SNX13: variants seen among roughly 807,000 people sequenced by gnomAD.
The protein encoded by SNX13 is sorting nexin-13.
A neutral mutation model predicts 133.6 loss-of-function variants in SNX13; 45 were observed. The observed-to-expected ratio is 0.34, with a 90% CI of 0.27 to 0.43. SNX13 has a LOEUF of 0.43. Among genes scored for constraint, SNX13 ranks in the 20% least tolerant of loss-of-function variants. The pLI is 1.00. For synonymous variants in SNX13, 414 were observed against 373.9 expected, an observed-to-expected ratio of 1.11 and a Z score of -1.24; for missense variants, 1,032 against 1,145.1, an observed-to-expected ratio of 0.90 and a Z score of 1.43.
At chr7:17,876,475 GA>G (rs1794730819) in intron 5 of SNX13, among the ~76,000 whole-genome samples, 1 of 150,344 alleles carries the variant, frequency 6.7e-6, no homozygotes, top group African/African-American at 2.5e-5. Context: ...AGCTGCTAGG[GA>G]AGCTGAAGTG....
Position 17,940,352 on chromosome 7 carries a change from A to C in SNX13, c.-57T>G. The C allele has an allele frequency of 6.4e-7, 1 of 1,553,500 alleles. No individual in the cohort carries two copies. The highest frequency in any genetic ancestry group is 8.7e-7 in the Non-Finnish European group (1 of 1,148,000). The stretch of plus-strand genomic sequence containing the variant: ...AGCCTCGCCTCATGGCAACAGCCGT[A>C]GCAGCAGCGAAAACTGCTCGGGCCG... On this transcript the variant is annotated 5_prime_UTR_variant, in exon 1 of 26. Coordinates refer to ENST00000428135, the MANE Select transcript of SNX13 (RefSeq NM_015132.5).
chr7:17,903,381 A>G (rs1049129620), intron 1 of SNX13, among the ~76,000 whole-genome samples: 3 of 152,190 alleles, frequency 2.0e-5, no homozygotes, highest in South Asian at 2.1e-4. Flanking sequence ...CAATTTTAAA[A>G]TCTAAAATGC....
chr7:17,803,391 T>G, intron 21 of SNX13, 28 bp downstream of exon 21: 1 of 1,577,666 alleles, frequency 6.3e-7, no homozygotes, highest in South Asian at 1.2e-5. Context: ...ATAGTTTGCT[T>G]TAGACATTAC....
chr7:17,912,047 A>C (rs1028271145), intron 1 of SNX13, among the ~76,000 whole-genome samples: 2 of 152,124 alleles, frequency 1.3e-5, no homozygotes, highest in African/African-American at 4.8e-5. Context: ...AGTGTGCCTC[A>C]GCCACTTGGA....
intron 17 of SNX13, among the ~76,000 whole-genome samples, chr7:17,822,354 T>G (rs1787392865): frequency 6.6e-6 from 1 of 152,146 alleles, no homozygotes; most frequent in African/African-American, 2.4e-5. Flanking sequence ...TGATGTTACA[T>G]TTCTTTATCT....
Position 17,875,557 on chromosome 7 carries a change from G to A in SNX13, c.587C>T (p.Thr196Ile), listed in dbSNP as rs1218155984. The A allele has an allele frequency of 6.2e-7, 1 of 1,610,562 alleles. No homozygotes were observed. The highest frequency in any genetic ancestry group is 1.7e-5 in the Admixed American group (1 of 59,506). ...VKGTAEDLVD[T>I]FFEVEVEMEK... The stretch of plus-strand genomic sequence containing the variant: ...CATTTCAACTTCAACTTCAAAGAAG[G>A]TATCTACAAGATCTTCTGCTGTACC... The change falls in exon 7 of 26, where the codon ACC (threonine) becomes ATC (isoleucine). Residue 196 changes from threonine to isoleucine, a missense_variant. Coordinates refer to ENST00000428135, the MANE Select transcript of SNX13 (RefSeq NM_015132.5).
In SNX13 at chr7:17,873,627, A is replaced by G; in HGVS notation, c.665-11T>C. 6.7e-7 allele frequency: 1 copy of G among 1,491,228 alleles called. No individual in the cohort carries two copies. The highest frequency in any genetic ancestry group is 9.1e-7 in the Non-Finnish European group (1 of 1,099,474). The allele number at this position is 1,491,228 out of a possible 1,614,324, so 92.4% of individuals were successfully genotyped here. ...AATCCCTTAGGAATCCTAAAAGTAG[A>G]AAAAGTAGCTATCATAACATTAGAA... On this transcript the variant is annotated splice_polypyrimidine_tract_variant and intron_variant, in intron 7 of 25. Coordinates refer to ENST00000428135, the MANE Select transcript of SNX13 (RefSeq NM_015132.5).
chr7:17,911,575 T>C (rs933127629), intron 1 of SNX13, among the ~76,000 whole-genome samples: 1 of 150,972 alleles, frequency 6.6e-6, no homozygotes, highest in Non-Finnish European at 1.5e-5. Context: ...GAAGCAGAGA[T>C]TGCAGTGAGC....
intron 13 of SNX13, among the ~76,000 whole-genome samples, chr7:17,836,262 A>T (rs1344712792): frequency 6.6e-6 from 1 of 152,024 alleles, no homozygotes; most frequent in Non-Finnish European, 1.5e-5. Context: ...CATGCTTGTA[A>T]TCCCAGCACT....
chr7:17,816,292 G>GT lies in SNX13; in HGVS notation c.1846-4dup, dbSNP rs776227320. ...AATATGCTTGAGAGACTTTCAAACTGTAAGACAAAATACATTCAATAGCAC... is the reference window on the plus strand; with the variant it reads ...AATATGCTTGAGAGACTTTCAAACTGTTAAGACAAAATACATTCAATAGCAC... On this transcript the variant is annotated splice_polypyrimidine_tract_variant and splice_region_variant and intron_variant, in intron 18 of 25. Transcript: ENST00000428135. 2.5e-5 allele frequency: 38 copies of GT among 1,536,370 alleles called. No individual in the cohort carries two copies. In the Admixed American group the frequency reaches 5.6e-4, roughly 23 times the overall value.
chr7:17,812,725 G>T (rs1017128099), intron 20 of SNX13, among the ~76,000 whole-genome samples: 1 of 152,082 alleles, frequency 6.6e-6, no homozygotes, highest in Admixed American at 6.5e-5. Flanking sequence ...GTTCAAAATA[G>T]GAAAGACTTG....
At chr7:17,801,731 A>T in intron 21 of SNX13, 72 bp from the exon 22 acceptor site, 1 of 1,117,604 alleles carries the variant, frequency 8.9e-7, no homozygotes, top group South Asian at 1.5e-5. Flanking sequence ...ACAATCATAA[A>T]CCTAAATGAG....
intron 9 of SNX13, among the ~76,000 whole-genome samples, chr7:17,864,791 G>A (rs1475148716): frequency 6.7e-6 from 1 of 150,246 alleles, no homozygotes; most frequent in Non-Finnish European, 1.5e-5. Flanking sequence ...GGAGGAGAAG[G>A]GGGAGGGGAA....
chr7:17,873,452 G>T, intron 8 of SNX13, 76 bp downstream of exon 8: 1 of 678,852 alleles, frequency 1.5e-6, no homozygotes, highest in Non-Finnish European at 2.0e-6. Context: ...GTGTAACAGG[G>T]TCTTAAGACA....
chr7:17,927,880 C>CA (rs1289841511), intron 1 of SNX13, among the ~76,000 whole-genome samples: 4 of 152,176 alleles, frequency 2.6e-5, no homozygotes, highest in African/African-American at 9.7e-5. Flanking sequence ...TTTCCACTCA[C>CA]AAAGTGTTCC....
At chr7:17,814,030 T>C (rs1786363966) in intron 20 of SNX13, among the ~76,000 whole-genome samples, 1 of 152,176 alleles carries the variant, frequency 6.6e-6, no homozygotes, top group African/African-American at 2.4e-5. Flanking sequence ...TTCAGACTTA[T>C]AAAAAGTGAT....
chr7:17,886,627 C>G (rs539056146), intron 5 of SNX13, among the ~76,000 whole-genome samples: 2 of 151,984 alleles, frequency 1.3e-5, no homozygotes, highest in African/African-American at 4.8e-5. Context: ...TTCTGCTAAT[C>G]TTGGGTTAAG....
chr7:17,874,268 C>A (rs1217649469), intron 7 of SNX13, among the ~76,000 whole-genome samples: 1 of 151,918 alleles, frequency 6.6e-6, no homozygotes, highest in African/African-American at 2.4e-5. Flanking sequence ...AAGAGATGAA[C>A]CGCATAGCCT....
intron 22 of SNX13, among the ~76,000 whole-genome samples, chr7:17,799,898 A>G (rs1338134312): frequency 2.0e-5 from 3 of 151,826 alleles, no homozygotes; most frequent in African/African-American, 7.2e-5. Context: ...TTTTTTCATC[A>G]CTGAGAAACT....
Sources: gnomAD v4.1 joint callset for allele counts (sites outside exome capture counted in the v4.1 genomes callset) on GRCh38, gnomAD v4.1.1 for gene constraint, MANE v1.5 for transcripts, NCBI Gene and HGNC (gene_info 2026-07-23, HGNC 2026-07-21) for gene names.